The following TTC6 variants were observed in gnomAD, a reference collection of about 807,000 sequenced individuals.
TTC6 encodes tetratricopeptide repeat domain 6, also known as tetratricopeptide repeat protein 6.
A neutral mutation model predicts 210.4 loss-of-function variants in TTC6; 172 were observed. The observed-to-expected ratio is 0.82, with a 90% CI of 0.72 to 0.93. The LOEUF (loss-of-function observed/expected upper bound fraction) is 0.93. Ranked by LOEUF, TTC6 falls within the 40% of genes least tolerant of loss-of-function variation. TTC6 has a pLI of 0.00. For synonymous variants in TTC6, 804 were observed against 819.6 expected (o/e 0.98, Z 0.32); for missense variants, 2,414 against 2,318.1 (o/e 1.04, Z -0.85).
intron 14 of TTC6, among the ~76,000 whole-genome samples, chr14:37,771,606 GGCTTCT>G (rs2096019067): frequency 6.6e-6 from 1 of 152,022 alleles, no homozygotes. Flanking sequence ...TGGCTCCTGA[GGCTTCT>G]GCATTCTTCA....
intron 1 of TTC6, among the ~76,000 whole-genome samples, chr14:37,596,714 TTAAG>T (rs1298889065): frequency 6.6e-6 from 1 of 152,182 alleles, no homozygotes; most frequent in Non-Finnish European, 1.5e-5. Context: ...CTAGGTTTCC[TTAAG>T]TAACAATAAA....
intron 4 of TTC6, 119 bp from the exon 7 acceptor site, chr14:37,701,213 C>G: frequency 1.6e-6 from 1 of 628,162 alleles, no homozygotes; most frequent in Non-Finnish European, 2.4e-6. Flanking sequence ...AGTTTTAAAT[C>G]AGATCTCCTC....
At chr14:37,678,916 G>T (rs2138532481) in intron 1 of TTC6, among the ~76,000 whole-genome samples, 1 of 152,194 alleles carries the variant, frequency 6.6e-6, no homozygotes, top group Non-Finnish European at 1.5e-5. Flanking sequence ...AGAAGAAAAA[G>T]GGACCTTAAA....
chr14:37,806,235 T>C, intron 21 of TTC6, 126 bp from the exon 24 acceptor site: 1 of 962,780 alleles, frequency 1.0e-6, no homozygotes, highest in Non-Finnish European at 1.5e-6. Context: ...AGGAGAAATG[T>C]ATTTAAAATA....
intron 26 of TTC6, among the ~76,000 whole-genome samples, chr14:37,821,219 T>G (rs933138963): frequency 2.6e-5 from 4 of 151,736 alleles, no homozygotes; most frequent in African/African-American, 4.8e-5. Context: ...AGGTGCATAC[T>G]ACCATGCCTG....
intron 1 of TTC6, among the ~76,000 whole-genome samples, chr14:37,604,382 G>T (rs901551678): frequency 6.6e-6 from 1 of 152,192 alleles, no homozygotes; most frequent in Non-Finnish European, 1.5e-5. Context: ...GAGAGGAGAT[G>T]AGAGGTCTTG....
chr14:37,667,150 C>T (rs2095749742), intron 1 of TTC6, among the ~76,000 whole-genome samples: 1 of 149,876 alleles, frequency 6.7e-6, no homozygotes, highest in Non-Finnish European at 1.5e-5. Flanking sequence ...ATATCACGGG[C>T]CCTAGGCACT....
intron 14 of TTC6, among the ~76,000 whole-genome samples, chr14:37,778,142 G>A (rs2139234605): frequency 6.6e-6 from 1 of 151,860 alleles, no homozygotes; most frequent in African/African-American, 2.4e-5. Flanking sequence ...CTTATCAGCT[G>A]GGGTGGTGTG....
intron 1 of TTC6, among the ~76,000 whole-genome samples, chr14:37,631,991 G>T (rs1014470270): frequency 6.6e-6 from 1 of 152,042 alleles, no homozygotes; most frequent in Non-Finnish European, 1.5e-5. Context: ...TCTCTAAACT[G>T]GTTATTCTAG....
At chr14:37,629,686 G>T (rs1164668966) in intron 1 of TTC6, among the ~76,000 whole-genome samples, 1 of 152,238 alleles carries the variant, frequency 6.6e-6, no homozygotes, top group South Asian at 2.1e-4. Flanking sequence ...TGTTTTGCTG[G>T]TTTTCAAAGG....
At chr14:37,842,078 C>A in intron 30 of TTC6, 77 bp from the exon 33 acceptor site, 1 of 1,315,014 alleles carries the variant, frequency 7.6e-7, no homozygotes, top group Non-Finnish European at 1.0e-6. Context: ...AAGTTCTTAT[C>A]CAATTTTTTT....
At chr14:37,750,926 T>C in intron 12 of TTC6, 127 bp from the exon 15 acceptor site, 1 of 509,492 alleles carries the variant, frequency 2.0e-6, no homozygotes, top group Non-Finnish European at 3.2e-6. Context: ...TAAGATAAAC[T>C]AATAAGAAAG....
At chr14:37,796,471 G>A (rs978546568) in intron 19 of TTC6, 101 bp downstream of exon 21, 1 of 543,162 alleles carries the variant, frequency 1.8e-6, no homozygotes, top group Non-Finnish European at 3.1e-6. Flanking sequence ...CCAATTGAAA[G>A]TCAAATTAGA....
chr14:37,835,679 A>C (rs1483098028), intron 29 of TTC6, among the ~76,000 whole-genome samples: 1 of 152,232 alleles, frequency 6.6e-6, no homozygotes, highest in Non-Finnish European at 1.5e-5. Flanking sequence ...AGATGGCTAG[A>C]AGTTTTAAAG....
intron 28 of TTC6, among the ~76,000 whole-genome samples, chr14:37,826,684 T>G (rs1429886574): frequency 1.3e-5 from 2 of 152,124 alleles, no homozygotes; most frequent in Non-Finnish European, 2.9e-5. Context: ...GAGAGAACAA[T>G]GTAAATCCCC....
intron 1 of TTC6, among the ~76,000 whole-genome samples, chr14:37,641,081 A>G (rs2095690913): frequency 6.6e-6 from 1 of 152,232 alleles, no homozygotes; most frequent in South Asian, 2.1e-4. Context: ...ATACAATTTA[A>G]AACAGTTGCT....
At chr14:37,609,085 C>T (rs929441334) in intron 2 of TTC6, among the ~76,000 whole-genome samples, 84 of 152,270 alleles carry the variant, frequency 5.5e-4, no homozygotes, top group Non-Finnish European at 1.1e-3. Flanking sequence ...AACTCCTCCT[C>T]CTCCCACTTT....
intron 3 of TTC6, among the ~76,000 whole-genome samples, chr14:37,692,208 C>CAAAAAAAAAAAAAAAAAAA (rs3062759): frequency 6.0e-4 from 24 of 40,142 alleles, no homozygotes; most frequent in Admixed American, 1.3e-3. Flanking sequence ...AAAGACACAC[C>CAAAAAAAAAAAAAAAAAAA]AAAAAAAAAA....
intron 20 of TTC6, among the ~76,000 whole-genome samples, chr14:37,797,329 A>G (rs1483358265): frequency 1.3e-5 from 2 of 152,174 alleles, no homozygotes. Context: ...TTTTACAATA[A>G]TTGATATTGT....
Sources: allele counts gnomAD v4.1 joint callset (sites outside exome capture counted in the v4.1 genomes callset), GRCh38; gene constraint gnomAD v4.1.1; transcripts MANE v1.5; gene names NCBI Gene and HGNC (gene_info 2026-07-23, HGNC 2026-07-21).